The following PDE8B variants were observed in gnomAD, a reference collection of about 807,000 sequenced individuals.
PDE8B encodes high affinity cAMP-specific and IBMX-insensitive 3',5'-cyclic phosphodiesterase 8B.
PDE8B carries 26 observed loss-of-function variants against 101.3 expected under a neutral mutation model. The ratio of observed to expected loss-of-function variants is 0.26; its 90% confidence interval spans 0.19 to 0.36. PDE8B has a LOEUF of 0.36. Among genes scored for constraint, PDE8B ranks in the 10% least tolerant of loss-of-function variants. The pLI is 1.00. For missense variants in PDE8B, 810 were observed against 1,163.1 expected (o/e 0.70, Z 4.42); for synonymous variants, 424 against 429.3 (o/e 0.99, Z 0.15).
intron 10 of PDE8B, among the ~76,000 whole-genome samples, chr5:77,394,293 G>A (rs1194560496): frequency 1.3e-5 from 2 of 152,106 alleles, no homozygotes; most frequent in Admixed American, 1.3e-4. Context: ...GAATCCAGCA[G>A]CTCCTCACAC....
At chr5:77,385,264 G>A (rs951297612) in intron 10 of PDE8B, among the ~76,000 whole-genome samples, 1 of 152,082 alleles carries the variant, frequency 6.6e-6, no homozygotes, top group Admixed American at 6.6e-5. Flanking sequence ...TTTGCGTAGA[G>A]GTATTTATAA....
At chr5:77,195,483 C>T in the PDE8B span, among the ~76,000 whole-genome samples, 1 of 152,080 alleles carries the variant, frequency 6.6e-6, no homozygotes, top group African/African-American at 2.4e-5. Context: ...GCCATCCTAG[C>T]AGATTTGAAG....
chr5:77,298,312 G>T (rs991717082), intron 1 of PDE8B, among the ~76,000 whole-genome samples: 1 of 152,148 alleles, frequency 6.6e-6, no homozygotes, highest in Non-Finnish European at 1.5e-5. Context: ...TAAATTGAGG[G>T]CTGTGGGCTC....
chr5:77,349,390 A>G, intron 7 of PDE8B, 29 bp from the exon 8 acceptor site: 1 of 1,613,866 alleles, frequency 6.2e-7, no homozygotes, highest in Non-Finnish European at 8.5e-7. Flanking sequence ...GTGTCCCCGC[A>G]CTGATCTGTA....
chr5:77,255,056 C>A (rs1758823225), intron 1 of PDE8B, among the ~76,000 whole-genome samples: 1 of 152,148 alleles, frequency 6.6e-6, no homozygotes, highest in Admixed American at 6.5e-5. Flanking sequence ...AAGTTACCTC[C>A]CTCCCTCCGA....
the PDE8B span, among the ~76,000 whole-genome samples, chr5:77,115,865 T>G: frequency 2.0e-5 from 3 of 152,238 alleles, no homozygotes; most frequent in Admixed American, 6.5e-5. Context: ...TGTATCCATC[T>G]GAGAACTTAA....
intron 10 of PDE8B, among the ~76,000 whole-genome samples, chr5:77,364,434 A>AT (rs1334732585): frequency 6.6e-6 from 1 of 152,182 alleles, no homozygotes; most frequent in African/African-American, 2.4e-5. Context: ...TAAGAACAAA[A>AT]TTCCAAGAGG....
intron 1 of PDE8B, among the ~76,000 whole-genome samples, chr5:77,276,881 C>G (rs576409016): frequency 5.9e-5 from 9 of 152,076 alleles, no homozygotes; most frequent in African/African-American, 1.4e-4. Flanking sequence ...TTAAAATTTA[C>G]ATTTTGGTTT....
rs534426453 is a variant in PDE8B at position 77,249,945 on chromosome 5, A to G, written c.339+38681A>G. 8.1e-4 allele frequency among the ~76,000 whole-genome samples: 123 copies of G among 152,384 alleles called. 1 individual carries two copies. The highest frequency in any genetic ancestry group is 2.8e-3 in the African/African-American group (115 of 41,598). On this transcript the variant is annotated intron_variant, in intron 1 of 21. Coordinates refer to ENST00000264917, the MANE Select transcript of PDE8B (RefSeq NM_003719.5). ...ATGCAAGCCTCGTACAAGAAGATGT[A>G]TGCAGAGGTTTCTTCAGTTGGTCAG...
intron 3 of PDE8B, among the ~76,000 whole-genome samples, chr5:77,327,633 T>G (rs1776283660): frequency 6.6e-6 from 1 of 152,178 alleles, no homozygotes; most frequent in Non-Finnish European, 1.5e-5. Flanking sequence ...CCACTGAGTA[T>G]CCACCCAGTA....
intron 6 of PDE8B, among the ~76,000 whole-genome samples, chr5:77,341,758 C>T (rs1292737519): frequency 5.3e-5 from 8 of 152,178 alleles, no homozygotes; most frequent in Non-Finnish European, 1.2e-4. Context: ...TCTTATGAGG[C>T]AGTGCAGTGA....
the PDE8B span, among the ~76,000 whole-genome samples, chr5:77,175,635 T>C: frequency 6.6e-6 from 1 of 152,326 alleles, no homozygotes; most frequent in South Asian, 2.1e-4. Context: ...TTGTCTCTCT[T>C]CCTCCACTAG....
chr5:77,135,244 C>G, the PDE8B span, among the ~76,000 whole-genome samples: 7 of 152,156 alleles, frequency 4.6e-5, no homozygotes, highest in African/African-American at 1.4e-4. Flanking sequence ...GGTAGCAGAC[C>G]TGCATTATAT....
intron 10 of PDE8B, among the ~76,000 whole-genome samples, chr5:77,373,724 A>G (rs976355618): frequency 1.3e-5 from 2 of 152,202 alleles, no homozygotes; most frequent in African/African-American, 4.8e-5. Context: ...CATACAATGT[A>G]TCCATTTAAA....
intron 16 of PDE8B, among the ~76,000 whole-genome samples, chr5:77,412,672 A>T (rs1794795263): frequency 6.6e-6 from 1 of 152,172 alleles, no homozygotes; most frequent in Non-Finnish European, 1.5e-5. Context: ...TTGGATATGA[A>T]AGATTCTCAC....
the PDE8B span, among the ~76,000 whole-genome samples, chr5:77,199,595 G>T: frequency 1.6e-4 from 24 of 152,212 alleles, no homozygotes; most frequent in African/African-American, 5.3e-4. Context: ...AGTACATGTA[G>T]CATTAGCCAT....
chr5:77,387,149 C>T (rs1788874676), intron 10 of PDE8B, among the ~76,000 whole-genome samples: 1 of 152,082 alleles, frequency 6.6e-6, no homozygotes, highest in Non-Finnish European at 1.5e-5. Context: ...GATGTAGTTT[C>T]TTTATAGTGT....
chr5:77,347,755 G>C (rs1442933377), intron 7 of PDE8B, among the ~76,000 whole-genome samples: 1 of 152,188 alleles, frequency 6.6e-6, no homozygotes, highest in Non-Finnish European at 1.5e-5. Context: ...TCCTGGAAGA[G>C]AAGAGGGATA....
intron 1 of PDE8B, among the ~76,000 whole-genome samples, chr5:77,310,778 C>T (rs998446019): frequency 1.4e-4 from 22 of 152,048 alleles, no homozygotes; most frequent in Non-Finnish European, 2.5e-4. Context: ...GAGGCCCAAG[C>T]GCCCTGCATG....
Sources: allele counts gnomAD v4.1 joint callset (sites outside exome capture counted in the v4.1 genomes callset), GRCh38; gene constraint gnomAD v4.1.1; transcripts MANE v1.5; gene names NCBI Gene and HGNC (gene_info 2026-07-23, HGNC 2026-07-21).